CWF19L2: variants seen among roughly 807,000 people sequenced by gnomAD.
CWF19L2 encodes the protein CWF19 like cell cycle control factor 2, also known as CWF19-like protein 2.
Under a neutral mutation model 111.7 loss-of-function variants are expected in CWF19L2, and 98 were observed. The ratio of observed to expected loss-of-function variants is 0.88; its 90% CI spans 0.75 to 1.04. The LOEUF is 1.04. CWF19L2 is among the 50% of genes least tolerant of loss of function. The pLI, the probability that CWF19L2 is intolerant of heterozygous loss-of-function variation, is 0.00. For missense variants in CWF19L2, 1,101 were observed against 1,051.4 expected, an observed-to-expected ratio of 1.05 and a Z score of -0.65; for synonymous variants, 351 against 342.9, an observed-to-expected ratio of 1.02 and a Z score of -0.26.
Position 107,338,396 on chromosome 11 carries a change from C to CT in CWF19L2, c.2203-1684dup, listed in dbSNP as rs550376821. 5.8e-4 allele frequency among the ~76,000 whole-genome samples: 88 copies of CT among 151,566 alleles called. No individual in the cohort carries two copies. In the South Asian group the frequency reaches 7.6e-3, roughly 13 times the overall value. ...GTAATCTTTTGAGGTAGGCTTTTTT[C>CT]TTTTTTTTTCTTCAACTGTTACTTT... On this transcript the variant is annotated intron_variant, in intron 14 of 17. Transcript: ENST00000282251.
intron 10 of CWF19L2, chr11:107,404,346 C>T: frequency 1.3e-6 from 1 of 792,140 alleles, no homozygotes; most frequent in Non-Finnish European, 2.3e-6. Flanking sequence ...TTTACTTGGT[C>T]CCAGACCTTT....
chr11:107,454,525 T>A lies in CWF19L2; in HGVS notation c.264A>T (p.Lys88Asn), dbSNP rs1254521312. 5 of 1,472,084 alleles carry A rather than the reference T, an allele frequency of 3.4e-6. No individual in the cohort carries two copies. Among genetic ancestry groups the A allele is most frequent in the Non-Finnish European group, 4.5e-6 (5 of 1,115,656 alleles). The allele number at this position is 1,472,084 out of a possible 1,614,324, so 91.2% of individuals were successfully genotyped here. ...TCTTTTTTTTCTTTTCTTTCTTTGC[T>A]TTTTTTGAATGCTTGTCTTTTTTCT... ...KKKKKDKHSKKAKKEKKKKSK... is the reference protein window; with the variant it reads ...KKKKKDKHSKNAKKEKKKKSK... The change falls in exon 3 of 18, where the codon AAA (lysine) becomes AAT (asparagine). Residue 88 changes from lysine to asparagine, a missense_variant. Lys to Asn is a moderately conservative substitution (Grantham distance 94, BLOSUM62 0). Coordinates refer to ENST00000282251, the MANE Select transcript of CWF19L2 (RefSeq NM_152434.3).
At chr11:107,327,588 A>T (rs928710136) in intron 17 of CWF19L2, among the ~76,000 whole-genome samples, 16 of 152,234 alleles carry the variant, frequency 1.1e-4, no homozygotes, top group Admixed American at 5.2e-4. Flanking sequence ...ATTAAAAATT[A>T]TATATCACTT....
chr11:107,396,677 G>C (rs1033521397), intron 10 of CWF19L2, among the ~76,000 whole-genome samples: 1 of 152,166 alleles, frequency 6.6e-6, no homozygotes, highest in Non-Finnish European at 1.5e-5. Context: ...CACAAGGCAA[G>C]ACTAGATTGT....
chr11:107,428,685 AT>A, intron 8 of CWF19L2, 113 bp downstream of exon 8: 1 of 842,326 alleles, frequency 1.2e-6, no homozygotes, highest in South Asian at 1.8e-5. Context: ...CCTTCTATCA[AT>A]TTTAAGAAAT....
intron 8 of CWF19L2, among the ~76,000 whole-genome samples, chr11:107,423,812 C>T (rs972927202): frequency 1.3e-5 from 2 of 151,836 alleles, no homozygotes; most frequent in Non-Finnish European, 2.9e-5. Context: ...GAATTAAAGA[C>T]CAAGCCATCC....
chr11:107,361,417 T>C (rs1305813695), intron 12 of CWF19L2, among the ~76,000 whole-genome samples: 5 of 148,760 alleles, frequency 3.4e-5, no homozygotes, highest in Admixed American at 2.0e-4. Flanking sequence ...AGCTTTGGGT[T>C]TTTTTTATTG....
chr11:107,450,504 T>C (rs1434644707), intron 3 of CWF19L2, among the ~76,000 whole-genome samples: 1 of 152,000 alleles, frequency 6.6e-6, no homozygotes, highest in Admixed American at 6.6e-5. Flanking sequence ...AGTGATCTAC[T>C]ACACTCTAGC....
chr11:107,402,868 G>GGTGTGTGTGT (rs1290211766), intron 10 of CWF19L2, among the ~76,000 whole-genome samples: 4 of 42,732 alleles, frequency 9.4e-5, no homozygotes, highest in East Asian at 5.0e-4. Context: ...AACAAACTGT[G>GGTGTGTGTGT]GTGTGTATAT....
rs780283508 is a variant in CWF19L2, at chr11:107,358,342, C to CT, written c.1873-4607dup. Among the ~76,000 whole-genome samples, 399 of 130,418 alleles carry CT rather than the reference C, an allele frequency of 3.1e-3. 1 individual carries two copies. Among genetic ancestry groups the CT allele is most frequent in the African/African-American group, 0.012 (379 of 30,462 alleles). The allele number at this position is 130,418 out of a possible 152,430, so 85.6% of individuals were successfully genotyped here. ...ACTAACACTACTGATAACTGATGAGCTAAAAAAAAAAAAAAAAATCACAAA... is the reference window on the plus strand; with the variant it reads ...ACTAACACTACTGATAACTGATGAGCTTAAAAAAAAAAAAAAAAATCACAAA... On this transcript the variant is annotated intron_variant, in intron 12 of 17. Coordinates refer to ENST00000282251, the MANE Select transcript of CWF19L2 (RefSeq NM_152434.3).
chr11:107,435,169 T>C (rs1175809867), intron 6 of CWF19L2, among the ~76,000 whole-genome samples: 2 of 152,202 alleles, frequency 1.3e-5, no homozygotes, highest in African/African-American at 4.8e-5. Flanking sequence ...ATACGACTTT[T>C]CTTTATAGGC....
chr11:107,357,254 T>C (rs11212179), intron 12 of CWF19L2, among the ~76,000 whole-genome samples: 39,085 of 152,022 alleles, frequency 0.26, 5,417 homozygotes, highest in Non-Finnish European at 0.32. Flanking sequence ...ACTGTGAATA[T>C]AGTCTATGAA....
At chr11:107,362,718 G>A (rs1457881758) in intron 12 of CWF19L2, among the ~76,000 whole-genome samples, 2 of 151,094 alleles carry the variant, frequency 1.3e-5, no homozygotes, top group African/African-American at 4.9e-5. Context: ...CCACAAAGAT[G>A]GGGAAAAAAC....
intron 16 of CWF19L2, among the ~76,000 whole-genome samples, chr11:107,331,181 A>G (rs1408403290): frequency 6.6e-6 from 1 of 152,092 alleles, no homozygotes; most frequent in Non-Finnish European, 1.5e-5. Flanking sequence ...GACTATTAGG[A>G]AAAAACAAAG....
intron 3 of CWF19L2, among the ~76,000 whole-genome samples, chr11:107,448,484 T>C (rs950240037): frequency 4.6e-5 from 7 of 151,938 alleles, no homozygotes; most frequent in Non-Finnish European, 8.8e-5. Flanking sequence ...GAGACATTAT[T>C]TTAAGGAGAC....
chr11:107,348,816 A>G, intron 14 of CWF19L2, 121 bp downstream of exon 14: 1 of 526,058 alleles, frequency 1.9e-6, no homozygotes, highest in South Asian at 3.0e-5. Context: ...ATGAAAACAC[A>G]CGTGTTTAAG....
rs765079540 is a variant in CWF19L2 at position 107,334,998 on chromosome 11, T to A, written c.2359-37A>T. On this transcript the variant is annotated intron_variant, in intron 15 of 17. Transcript: ENST00000282251. ...CCATTTGTTAAGTGAAAAAAGAACA[T>A]GTAAGTAAATAAAAAGAAACAGCTT... is the stretch of plus-strand genomic sequence containing the variant. 1.9e-5 allele frequency: 24 copies of A among 1,296,102 alleles called. No homozygotes were observed. The South Asian group carries it at 3.0e-4, about 16-fold the overall frequency. The allele number at this position is 1,296,102 out of a possible 1,614,324, so 80.3% of individuals were successfully genotyped here.
intron 10 of CWF19L2, among the ~76,000 whole-genome samples, chr11:107,413,659 T>G (rs1479845786): frequency 6.6e-6 from 1 of 152,240 alleles, no homozygotes; most frequent in East Asian, 1.9e-4. Flanking sequence ...TCCCAGTCCC[T>G]GCTTTTTAAT....
intron 8 of CWF19L2, among the ~76,000 whole-genome samples, chr11:107,426,544 A>G (rs913469580): frequency 1.3e-5 from 2 of 151,942 alleles, no homozygotes; most frequent in African/African-American, 4.8e-5. Flanking sequence ...TTAGAGCAAC[A>G]AAGTGGAAAC....
Sources: gnomAD v4.1 joint callset for allele counts (sites outside exome capture counted in the v4.1 genomes callset) on GRCh38, gnomAD v4.1.1 for gene constraint, MANE v1.5 for transcripts, NCBI Gene and HGNC (gene_info 2026-07-23, HGNC 2026-07-21) for gene names.